Variants in SLC35F4 observed in about 807,000 individuals in gnomAD.
SLC35F4 encodes the protein solute carrier family 35 member F4.
A neutral mutation model predicts 44.2 loss-of-function variants in SLC35F4; 24 were observed. That is an observed-to-expected ratio of 0.54 (90% CI 0.39 to 0.76). The LOEUF (loss-of-function observed/expected upper bound fraction) is 0.76, where lower values mean the gene tolerates loss of function less well. SLC35F4 is among the 30% of genes least tolerant of loss of function. The pLI, the probability that SLC35F4 is intolerant of heterozygous loss-of-function variation, is 0.00. For missense variants in SLC35F4, 562 were observed against 586.1 expected, an observed-to-expected ratio of 0.96 and a Z score of 0.42; for synonymous variants, 238 against 223.6, an observed-to-expected ratio of 1.06 and a Z score of -0.57.
intron 1 of SLC35F4, among the ~76,000 whole-genome samples, chr14:57,832,118 G>A (rs1444166347): frequency 1.3e-5 from 2 of 152,140 alleles, no homozygotes; most frequent in African/African-American, 2.4e-5. Flanking sequence ...GAGCAAGATT[G>A]GAGAAGTTGG....
intron 1 of SLC35F4, among the ~76,000 whole-genome samples, chr14:57,863,564 G>C (rs1701646274): frequency 6.6e-6 from 1 of 152,148 alleles, no homozygotes; most frequent in Non-Finnish European, 1.5e-5. Flanking sequence ...CTTCCCCTAA[G>C]CTGTTGCTCA....
At chr14:57,912,929 A>T (rs1169102874) in intron 1 of SLC35F4, among the ~76,000 whole-genome samples, 2 of 151,992 alleles carry the variant, frequency 1.3e-5, no homozygotes, top group Non-Finnish European at 2.9e-5. Context: ...TTCTTTCCTC[A>T]CATATTTTGA....
intron 1 of SLC35F4, among the ~76,000 whole-genome samples, chr14:57,759,217 C>T (rs959506639): frequency 1.3e-4 from 20 of 152,028 alleles, no homozygotes; most frequent in Non-Finnish European, 7.4e-5. Flanking sequence ...TCTTTGATAT[C>T]CTTATTTCAG....
intron 1 of SLC35F4, among the ~76,000 whole-genome samples, chr14:57,682,163 A>G (rs886308729): frequency 6.6e-6 from 1 of 152,256 alleles, no homozygotes; most frequent in Non-Finnish European, 1.5e-5. Context: ...CCAAAGGAGT[A>G]TAAATCATTC....
chr14:57,626,965 T>C (rs1360060626), intron 1 of SLC35F4, among the ~76,000 whole-genome samples: 2 of 152,178 alleles, frequency 1.3e-5, no homozygotes, highest in Non-Finnish European at 2.9e-5. Flanking sequence ...TGTGAGTTCC[T>C]GGTTAAAGGG....
At chr14:57,662,930 C>A (rs1206474124) in intron 1 of SLC35F4, among the ~76,000 whole-genome samples, 1 of 152,172 alleles carries the variant, frequency 6.6e-6, no homozygotes, top group Non-Finnish European at 1.5e-5. Flanking sequence ...CTCCCCTGGA[C>A]TATGGTTGAC....
chr14:57,830,657 T>C (rs1377998200), intron 1 of SLC35F4, among the ~76,000 whole-genome samples: 1 of 152,176 alleles, frequency 6.6e-6, no homozygotes, highest in Non-Finnish European at 1.5e-5. Flanking sequence ...TCTGCTCAGA[T>C]CTCAGTTTCA....
At chr14:57,768,313 C>A (rs915402142) in intron 1 of SLC35F4, among the ~76,000 whole-genome samples, 1 of 152,174 alleles carries the variant, frequency 6.6e-6, no homozygotes, top group African/African-American at 2.4e-5. Flanking sequence ...ACTTAGACTC[C>A]TGGTTCCACT....
intron 1 of SLC35F4, among the ~76,000 whole-genome samples, chr14:57,852,099 G>A (rs1270316764): frequency 2.6e-5 from 4 of 152,116 alleles, no homozygotes; most frequent in Admixed American, 6.5e-5. Flanking sequence ...AGAATCTAAT[G>A]GGCAGAAAAG....
intron 1 of SLC35F4, among the ~76,000 whole-genome samples, chr14:57,962,174 T>A (rs1390051881): frequency 6.6e-6 from 1 of 152,238 alleles, no homozygotes; most frequent in Non-Finnish European, 1.5e-5. Flanking sequence ...GAATCTATGA[T>A]TTTATCCTTG....
intron 1 of SLC35F4, among the ~76,000 whole-genome samples, chr14:57,958,086 T>C (rs1890272990): frequency 6.6e-6 from 1 of 151,974 alleles, no homozygotes; most frequent in Non-Finnish European, 1.5e-5. Flanking sequence ...GATGGAGTCT[T>C]GCTCTGTCGC....
intron 1 of SLC35F4, among the ~76,000 whole-genome samples, chr14:57,680,932 T>C (rs1390951993): frequency 6.6e-6 from 1 of 152,062 alleles, no homozygotes; most frequent in Non-Finnish European, 1.5e-5. Flanking sequence ...ATCATCAAAA[T>C]GGCCATACTG....
At chr14:57,772,999 A>G (rs2077404601) in intron 1 of SLC35F4, among the ~76,000 whole-genome samples, 1 of 152,106 alleles carries the variant, frequency 6.6e-6, no homozygotes, top group African/African-American at 2.4e-5. Flanking sequence ...CCTTTTCTCC[A>G]TATCCATGCC....
chr14:57,756,739 T>C (rs929866521), intron 1 of SLC35F4, among the ~76,000 whole-genome samples: 15 of 151,974 alleles, frequency 9.9e-5, no homozygotes, highest in Non-Finnish European at 2.2e-4. Context: ...CCTGCAGCCT[T>C]GACCTCCCAG....
intron 1 of SLC35F4, among the ~76,000 whole-genome samples, chr14:57,618,029 G>GT (rs1256380605): frequency 6.6e-6 from 1 of 152,058 alleles, no homozygotes; most frequent in Admixed American, 6.5e-5. Context: ...GATGAGAGTT[G>GT]TTTTCTTTTT....
chr14:57,914,222 A>G (rs946506746), intron 1 of SLC35F4, among the ~76,000 whole-genome samples: 8 of 152,220 alleles, frequency 5.3e-5, no homozygotes, highest in African/African-American at 1.4e-4. Context: ...AGGTAGAAGC[A>G]GTCACACAGG....
chr14:57,718,461 A>T (rs1211700594), intron 1 of SLC35F4, among the ~76,000 whole-genome samples: 1 of 152,176 alleles, frequency 6.6e-6, no homozygotes, highest in Non-Finnish European at 1.5e-5. Flanking sequence ...TATTCTCACC[A>T]ACAGTGTATG....
At chr14:57,823,118 A>G (rs1883352801) in intron 1 of SLC35F4, among the ~76,000 whole-genome samples, 1 of 152,078 alleles carries the variant, frequency 6.6e-6, no homozygotes, top group African/African-American at 2.4e-5. Context: ...CTGCACTCAG[A>G]ATACCCTCCA....
rs1555398709 is a variant in SLC35F4, at chr14:57,865,989, A to AGCGGCAGCGGCG, written c.-165_-164insCGCCGCTGCCGC. On this transcript the variant is annotated 5_prime_UTR_variant, in exon 1 of 8. Transcript: ENST00000556826. ...CGGCGCAGCACCGGCTCCGCATCAC[A>AGCGGCAGCGGCG]GCGGCGGCGGCGGCGGCGGCGGCGG... The AGCGGCAGCGGCG allele has an allele frequency of 1.5e-3, 557 of 373,316 alleles. 1 individual carries two copies. The highest frequency in any genetic ancestry group is 0.011 in the African/African-American group (483 of 45,742). 23.1% of individuals were successfully genotyped at this position (373,316 alleles called of 1,614,324 possible).
Sources: gnomAD v4.1 joint callset for allele counts (sites outside exome capture counted in the v4.1 genomes callset) on GRCh38, gnomAD v4.1.1 for gene constraint, MANE v1.5 for transcripts, NCBI Gene and HGNC (gene_info 2026-07-23, HGNC 2026-07-21) for gene names.